The following FGF12 variants were observed in gnomAD, a reference collection of about 807,000 sequenced individuals.
FGF12 encodes the protein fibroblast growth factor 12B.
Under a neutral mutation model 23.6 loss-of-function variants are expected in FGF12, and 14 were observed. That is an observed-to-expected ratio of 0.59 (90% CI 0.39 to 0.93). FGF12 has a LOEUF of 0.93. Ranked by LOEUF, FGF12 falls within the 40% of genes least tolerant of loss-of-function variation. The probability of loss-of-function intolerance (pLI) is 0.00; values close to 1 mark genes in which losing one functional copy is unlikely to be tolerated. For missense variants in FGF12, 175 were observed against 217.8 expected (o/e 0.80, Z 1.24); for synonymous variants, 62 against 77.3 (o/e 0.80, Z 1.04).
intron 5 of FGF12, among the ~76,000 whole-genome samples, chr3:192,161,012 C>A (rs1420679775): frequency 6.6e-6 from 1 of 151,984 alleles, no homozygotes. Context: ...CTCATCTTCA[C>A]AGAAATAAGA....
At chr3:192,365,954 T>C (rs1235895264) in intron 2 of FGF12, among the ~76,000 whole-genome samples, 8 of 147,378 alleles carry the variant, frequency 5.4e-5, no homozygotes, top group Middle Eastern at 3.4e-3. Flanking sequence ...GGATCGACAC[T>C]TTACTTCATT....
At chr3:192,669,405 A>C (rs1717020081) in intron 2 of FGF12, among the ~76,000 whole-genome samples, 1 of 147,844 alleles carries the variant, frequency 6.8e-6, no homozygotes, top group Admixed American at 6.8e-5. Flanking sequence ...GGCCAACATA[A>C]CAAAATTCCG....
chr3:192,374,676 A>G (rs954015712), intron 2 of FGF12, among the ~76,000 whole-genome samples: 6 of 152,196 alleles, frequency 3.9e-5, no homozygotes, highest in African/African-American at 9.7e-5. Flanking sequence ...CATTAGCTCT[A>G]TGAAGTTAGT....
chr3:192,259,562 G>A (rs1048633908), intron 4 of FGF12, among the ~76,000 whole-genome samples: 1 of 152,096 alleles, frequency 6.6e-6, no homozygotes, highest in African/African-American at 2.4e-5. Context: ...AATATTCATG[G>A]CAATAATTTT....
At chr3:192,202,665 T>C (rs1257009806) in intron 4 of FGF12, among the ~76,000 whole-genome samples, 1 of 152,224 alleles carries the variant, frequency 6.6e-6, no homozygotes, top group Non-Finnish European at 1.5e-5. Context: ...AATGCAGTGA[T>C]GGGAGCTCTA....
intron 2 of FGF12, among the ~76,000 whole-genome samples, chr3:192,725,813 A>G (rs1448369765): frequency 6.6e-6 from 1 of 152,188 alleles, no homozygotes; most frequent in Non-Finnish European, 1.5e-5. Flanking sequence ...ACAAACCTTT[A>G]TATGTTAAGG....
At chr3:192,568,182 C>T (rs1712431063) in intron 2 of FGF12, among the ~76,000 whole-genome samples, 1 of 152,100 alleles carries the variant, frequency 6.6e-6, no homozygotes, top group Admixed American at 6.5e-5. Context: ...TAGGGTCCAC[C>T]TAGATAATTT....
intron 2 of FGF12, among the ~76,000 whole-genome samples, chr3:192,663,546 C>G (rs990673778): frequency 1.3e-5 from 2 of 152,092 alleles, no homozygotes; most frequent in African/African-American, 4.8e-5. Context: ...TCCCATTTAC[C>G]CTTCCATGTC....
chr3:192,178,740 C>G (rs1419147851), intron 4 of FGF12, among the ~76,000 whole-genome samples: 2 of 152,186 alleles, frequency 1.3e-5, no homozygotes, highest in African/African-American at 4.8e-5. Flanking sequence ...TCAGACAATC[C>G]GTCCACCTTG....
chr3:192,193,631 C>T (rs1716914473), intron 4 of FGF12, among the ~76,000 whole-genome samples: 1 of 152,124 alleles, frequency 6.6e-6, no homozygotes, highest in Non-Finnish European at 1.5e-5. Flanking sequence ...TTCCAGAATA[C>T]ACTCTATAGT....
intron 4 of FGF12, among the ~76,000 whole-genome samples, chr3:192,201,510 C>A (rs986513684): frequency 1.3e-5 from 2 of 152,180 alleles, no homozygotes; most frequent in African/African-American, 4.8e-5. Context: ...CATCTCCATG[C>A]AGTAAGCCCA....
intron 2 of FGF12, among the ~76,000 whole-genome samples, chr3:192,545,408 A>G (rs915908076): frequency 3.3e-5 from 5 of 152,206 alleles, no homozygotes; most frequent in African/African-American, 1.2e-4. Context: ...GTGAATAGTC[A>G]TGTTTCAACG....
intron 2 of FGF12, among the ~76,000 whole-genome samples, chr3:192,429,694 G>T (rs1197933421): frequency 5.3e-5 from 8 of 152,190 alleles, no homozygotes; most frequent in Admixed American, 4.6e-4. Context: ...CTTTTTGTGG[G>T]GGTTGTACTA....
At chr3:192,198,257 C>T (rs1190123002) in intron 4 of FGF12, among the ~76,000 whole-genome samples, 1 of 152,050 alleles carries the variant, frequency 6.6e-6, no homozygotes, top group Non-Finnish European at 1.5e-5. Flanking sequence ...TGTTTTCAGG[C>T]ACTTGAAAAT....
chr3:192,352,019 C>T (rs953575524), intron 3 of FGF12, among the ~76,000 whole-genome samples: 3 of 151,402 alleles, frequency 2.0e-5, no homozygotes, highest in Non-Finnish European at 4.4e-5. Context: ...TTACCTATAT[C>T]ACTACATATT....
intron 2 of FGF12, among the ~76,000 whole-genome samples, chr3:192,384,126 A>C (rs1719939993): frequency 6.6e-6 from 1 of 152,210 alleles, no homozygotes; most frequent in African/African-American, 2.4e-5. Context: ...TATCCATTAG[A>C]TTTGGTAAAT....
At chr3:192,365,818 T>C (rs1395160675) in intron 2 of FGF12, among the ~76,000 whole-genome samples, 1 of 151,738 alleles carries the variant, frequency 6.6e-6, no homozygotes, top group African/African-American at 2.4e-5. Context: ...GTCCATCTAG[T>C]GCTATGAAGT....
intron 5 of FGF12, among the ~76,000 whole-genome samples, chr3:192,168,030 C>T (rs1318884012): frequency 6.6e-6 from 1 of 151,206 alleles, no homozygotes; most frequent in Admixed American, 6.6e-5. Flanking sequence ...CTCCCAAAGT[C>T]CTGGGATTAC....
At chr3:192,367,407 T>G (rs2108740140) in intron 2 of FGF12, among the ~76,000 whole-genome samples, 1 of 152,294 alleles carries the variant, frequency 6.6e-6, no homozygotes, top group South Asian at 2.1e-4. Flanking sequence ...GTCAAGGGCT[T>G]CGGGGGCATT....
Sources: gnomAD v4.1 joint callset for allele counts (sites outside exome capture counted in the v4.1 genomes callset) on GRCh38, gnomAD v4.1.1 for gene constraint, MANE v1.5 for transcripts, NCBI Gene and HGNC (gene_info 2026-07-23, HGNC 2026-07-21) for gene names.